Variants in P2RX5 observed in about 807,000 individuals in gnomAD.
P2RX5 encodes purinergic receptor P2X 5, also known as P2X purinoceptor 5.
P2RX5 carries 46 observed loss-of-function variants against 54.1 expected under a neutral mutation model. The ratio of observed to expected loss-of-function variants is 0.85; its 90% CI spans 0.67 to 1.09. The LOEUF (loss-of-function observed/expected upper bound fraction) is 1.09, where lower values mean the gene tolerates loss of function less well. Ranked by LOEUF, P2RX5 falls within the 50% of genes least tolerant of loss-of-function variation. P2RX5 has a pLI of 0.00. For synonymous variants in P2RX5, 226 were observed against 226.4 expected (o/e 1.00, Z 0.02); for missense variants, 566 against 549.8 (o/e 1.03, Z -0.29).
intron 10 of P2RX5, among the ~76,000 whole-genome samples, chr17:3,680,355 GTGTCCTCCACCCT>G (rs1446461690): frequency 7.9e-6 from 1 of 126,764 alleles, no homozygotes. Flanking sequence ...CCTCCACCCA[GTGTCCTCCACCCT>G]GCGTCCTCCA....
At chr17:3,703,033 A>G in the P2RX5 span, among the ~76,000 whole-genome samples, 5 of 152,210 alleles carry the variant, frequency 3.3e-5, no homozygotes, top group African/African-American at 1.2e-4. Flanking sequence ...CCCTCCTCCA[A>G]AGAAATGTGC....
chr17:3,699,869 GAAA>G (rs2050803587), upstream of P2RX5, among the ~76,000 whole-genome samples: 1 of 27,916 alleles, frequency 3.6e-5, no homozygotes, highest in African/African-American at 6.1e-5. Context: ...AAGAAAGAAA[GAAA>G]GAAAGGAAGG....
chr17:3,719,972 T>C, the P2RX5 span, among the ~76,000 whole-genome samples: 1 of 152,188 alleles, frequency 6.6e-6, no homozygotes, highest in Non-Finnish European at 1.5e-5. Context: ...GTGATCCACC[T>C]GTCTCGGCCT....
At chr17:3,723,578 C>T in the P2RX5 span, 1 of 1,203,680 alleles carries the variant, frequency 8.3e-7, no homozygotes, top group Middle Eastern at 2.0e-4. Flanking sequence ...GGCCTGGCAG[C>T]CCCCGGCACT....
chr17:3,697,864 C>T (rs1490379374), upstream of P2RX5, among the ~76,000 whole-genome samples: 1 of 152,054 alleles, frequency 6.6e-6, no homozygotes, highest in South Asian at 2.1e-4. Flanking sequence ...TCATCTTATT[C>T]CCTTAGAGCA....
At chr17:3,684,835 C>CTTTTT (rs138123642) in intron 9 of P2RX5, among the ~76,000 whole-genome samples, 1 of 86,706 alleles carries the variant, frequency 1.2e-5, no homozygotes, top group Non-Finnish European at 2.3e-5. Flanking sequence ...ATCCTGCCCC[C>CTTTTT]TTTTTTTTTT....
chr17:3,701,746 G>GTTTTT, the P2RX5 span, among the ~76,000 whole-genome samples: 14 of 106,422 alleles, frequency 1.3e-4, no homozygotes, highest in South Asian at 3.4e-3. Context: ...CATTTTCTCT[G>GTTTTT]TTTTTTTTTT....
chr17:3,693,002 C>T lies in P2RX5; in HGVS notation c.138-1208G>A, dbSNP rs530821052. On this transcript the variant is annotated intron_variant, in intron 1 of 11. Transcript: ENST00000225328. ...AGACAACCCACAGAATGGGAGAAAACATTTGAAATAATGTAGCTGGTAAGG... is the reference window on the plus strand; with the variant it reads ...AGACAACCCACAGAATGGGAGAAAATATTTGAAATAATGTAGCTGGTAAGG... Among the ~76,000 whole-genome samples, 8 of 151,686 alleles carry T rather than the reference C, an allele frequency of 5.3e-5. No homozygotes were observed. In the East Asian group the frequency reaches 1.4e-3, roughly 26 times the overall value.
At chr17:3,699,225 T>A (rs2050799799), upstream of P2RX5, among the ~76,000 whole-genome samples, 1 of 151,596 alleles carries the variant, frequency 6.6e-6, no homozygotes, top group Non-Finnish European at 1.5e-5. Context: ...GGGAGACCCC[T>A]TCTATACAAA....
chr17:3,707,120 A>G, the P2RX5 span, among the ~76,000 whole-genome samples: 23 of 152,192 alleles, frequency 1.5e-4, no homozygotes, highest in African/African-American at 5.3e-4. Context: ...GATTTTTATA[A>G]ACTTTTATTG....
the P2RX5 span, among the ~76,000 whole-genome samples, chr17:3,709,287 T>C: frequency 6.6e-6 from 1 of 152,152 alleles, no homozygotes. Context: ...AGGAAGAGCA[T>C]TGAATGAAGC....
upstream of P2RX5, among the ~76,000 whole-genome samples, chr17:3,699,874 A>AAAGAAAGAAAGAAAGAAAGAAAGGAAGG (rs1567744280): frequency 7.0e-5 from 3 of 42,764 alleles, no homozygotes; most frequent in Non-Finnish European, 1.7e-4. Flanking sequence ...AGAAAGAAAG[A>AAAGAAAGAAAGAAAGAAAGAAAGGAAGG]AAGGAAGGAA....
the P2RX5 span, among the ~76,000 whole-genome samples, chr17:3,710,943 C>CA: frequency 6.5e-4 from 98 of 151,890 alleles, no homozygotes; most frequent in Non-Finnish European, 9.3e-4. Flanking sequence ...CAAAACAAAA[C>CA]AAAAAAAACT....
chr17:3,684,360 T>C (rs941940812), intron 9 of P2RX5, among the ~76,000 whole-genome samples: 5 of 152,262 alleles, frequency 3.3e-5, no homozygotes, highest in Admixed American at 2.0e-4. Context: ...TCCCAGCACT[T>C]GGGGAGGCCA....
the P2RX5 span, among the ~76,000 whole-genome samples, chr17:3,715,204 G>A: frequency 3.9e-5 from 6 of 152,134 alleles, no homozygotes; most frequent in Non-Finnish European, 8.8e-5. Context: ...AACTTATTTT[G>A]CAAAGCATGA....
upstream of P2RX5, among the ~76,000 whole-genome samples, chr17:3,700,457 C>T (rs956320980): frequency 2.0e-5 from 3 of 151,490 alleles, no homozygotes; most frequent in East Asian, 1.9e-4. Flanking sequence ...CGCTTGAACT[C>T]GGGAGGCGGA....
the P2RX5 span, among the ~76,000 whole-genome samples, chr17:3,701,287 TG>T: frequency 6.6e-6 from 1 of 152,238 alleles, no homozygotes; most frequent in African/African-American, 2.4e-5. Context: ...TATTTACGTG[TG>T]GCCCAAGACA....
the P2RX5 span, among the ~76,000 whole-genome samples, chr17:3,707,351 T>A: frequency 1.3e-5 from 2 of 152,180 alleles, no homozygotes; most frequent in African/African-American, 4.8e-5. Flanking sequence ...CAGAAACCCC[T>A]AACCTAGAGG....
chr17:3,697,146 G>C (rs900785381), upstream of P2RX5, among the ~76,000 whole-genome samples: 32 of 152,074 alleles, frequency 2.1e-4, no homozygotes, highest in Non-Finnish European at 3.7e-4. Context: ...GTGCGGGGGT[G>C]GGGGGCAGAC....
Sources: gnomAD v4.1 joint callset for allele counts (sites outside exome capture counted in the v4.1 genomes callset) on GRCh38, gnomAD v4.1.1 for gene constraint, MANE v1.5 for transcripts, NCBI Gene and HGNC (gene_info 2026-07-23, HGNC 2026-07-21) for gene names.